The following SLC16A5 variants were observed in gnomAD, a reference collection of about 807,000 sequenced individuals.
SLC16A5 encodes solute carrier family 16 member 5.
In SLC16A5, 29 loss-of-function variants were observed where a neutral mutation model predicts 33.2. That is an observed-to-expected ratio of 0.87 (90% CI 0.65 to 1.19). The LOEUF (loss-of-function observed/expected upper bound fraction) is 1.19. SLC16A5 is among the 50% of genes most tolerant of loss of function. The pLI, the probability that SLC16A5 is intolerant of heterozygous loss-of-function variation, is 0.00. For synonymous variants in SLC16A5, 248 were observed against 284.1 expected (o/e 0.87, Z 1.28); for missense variants, 606 against 678.2 (o/e 0.89, Z 1.18).
Position 75,100,750 on chromosome 17 carries a change from C to A in SLC16A5, c.1087C>A (p.Pro363Thr), listed in dbSNP as rs1345093257. Residue 363 changes from proline (P) to threonine (T), a missense_variant, in exon 5 of 7, where the codon CCC becomes ACC. Physicochemically the swap from Pro to Thr is conservative, Grantham distance 38. Transcript: ENST00000329783. ...GGACATCGTCCCCATGGATCAGTTC[C>A]CCAGAGCCCTGGGACTCTTCACTGT... ...LMDIVPMDQFPRALGLFTVLD... is the reference protein window; with the variant it reads ...LMDIVPMDQFTRALGLFTVLD... 6.2e-7 allele frequency: 1 copy of A among 1,614,044 alleles called. No individual in the cohort carries two copies.
At chr17:75,102,914 CAG>C (rs1477450262) in intron 5 of SLC16A5, among the ~76,000 whole-genome samples, 2 of 149,670 alleles carry the variant, frequency 1.3e-5, no homozygotes, top group African/African-American at 4.9e-5. Flanking sequence ...TTTTTTGAGA[CAG>C]AGTCTCGCTC....
At chr17:75,106,642 C>T (rs2073867062), downstream of SLC16A5, among the ~76,000 whole-genome samples, 2 of 149,158 alleles carry the variant, frequency 1.3e-5, no homozygotes, top group African/African-American at 5.0e-5. Flanking sequence ...CGCCTGTAAT[C>T]CCAGCACTTT....
chr17:75,091,098 T>C (rs986402727), intron 2 of SLC16A5, among the ~76,000 whole-genome samples: 1 of 151,940 alleles, frequency 6.6e-6, no homozygotes, highest in Non-Finnish European at 1.5e-5. Context: ...CCTCGGGGCC[T>C]GGGAGTGCCA....
chr17:75,104,277 G>A (rs982022081), intron 6 of SLC16A5, 97 bp downstream of exon 6: 43 of 1,532,570 alleles, frequency 2.8e-5, no homozygotes, highest in Non-Finnish European at 3.5e-5. Flanking sequence ...CAGCCCAGGA[G>A]GGGGACCTCT....
At chr17:75,101,445 C>A (rs1414862275) in intron 5 of SLC16A5, among the ~76,000 whole-genome samples, 1 of 150,386 alleles carries the variant, frequency 6.6e-6, no homozygotes, top group East Asian at 2.0e-4. Context: ...CCTGTAAATC[C>A]CAGCTACTTG....
intron 4 of SLC16A5, among the ~76,000 whole-genome samples, chr17:75,098,851 G>A (rs56271261): frequency 0.041 from 6,270 of 152,212 alleles, 183 homozygotes; most frequent in African/African-American, 0.087. Context: ...GCCACTGGGG[G>A]AATGGGCAAG....
downstream of SLC16A5, among the ~76,000 whole-genome samples, chr17:75,106,852 G>A (rs1309410896): frequency 6.6e-6 from 1 of 152,040 alleles, no homozygotes; most frequent in African/African-American, 2.4e-5. Context: ...CTGGGATCAC[G>A]CCACTGCACT....
chr17:75,089,727 C>G (rs1292356367), intron 2 of SLC16A5: 2 of 145,156 alleles, frequency 1.4e-5, no homozygotes, highest in African/African-American at 5.2e-5. Flanking sequence ...GCACTCTAGC[C>G]TGGGAGACAG....
intron 3 of SLC16A5, among the ~76,000 whole-genome samples, chr17:75,097,366 A>C (rs1217334124): frequency 1.3e-5 from 2 of 152,046 alleles, no homozygotes; most frequent in African/African-American, 4.8e-5. Flanking sequence ...GCTGGGAGCC[A>C]GGCAAGGAAC....
upstream of SLC16A5, among the ~76,000 whole-genome samples, chr17:75,087,544 C>T (rs1226474960): frequency 6.6e-6 from 1 of 152,166 alleles, no homozygotes; most frequent in Non-Finnish European, 1.5e-5. Flanking sequence ...CACCGGCAGG[C>T]GCAGCCCTCA....
chr17:75,101,453 T>C (rs2073798198), intron 5 of SLC16A5, among the ~76,000 whole-genome samples: 1 of 147,218 alleles, frequency 6.8e-6, no homozygotes, highest in Non-Finnish European at 1.5e-5. Context: ...TCCCAGCTAC[T>C]TGGGAGGCTG....
At chr17:75,093,507 A>G (rs750481669) in intron 2 of SLC16A5, 82 bp from the exon 3 acceptor site, 21 of 1,537,190 alleles carry the variant, frequency 1.4e-5, no homozygotes, top group Middle Eastern at 3.3e-4. Flanking sequence ...GGGATGGCTT[A>G]GCTGCCCAGA....
chr17:75,096,752 G>A (rs936182328), intron 3 of SLC16A5, among the ~76,000 whole-genome samples: 3 of 150,090 alleles, frequency 2.0e-5, no homozygotes, highest in East Asian at 2.0e-4. Context: ...GGCTGGTCTC[G>A]AACTCCTGAC....
At chr17:75,089,929 G>A (rs192844856) in intron 2 of SLC16A5, 1 of 152,164 alleles carries the variant, frequency 6.6e-6, no homozygotes, top group East Asian at 1.9e-4. Context: ...ATCTGTACCT[G>A]CCTGTGAACA....
At chr17:75,095,284 A>G (rs551084146) in intron 3 of SLC16A5, among the ~76,000 whole-genome samples, 3 of 152,254 alleles carry the variant, frequency 2.0e-5, no homozygotes, top group Middle Eastern at 3.4e-3. Flanking sequence ...CTTCTCACAC[A>G]GGCAGAGCAG....
chr17:75,098,620 C>T (rs561825814), intron 4 of SLC16A5, among the ~76,000 whole-genome samples: 7 of 152,226 alleles, frequency 4.6e-5, no homozygotes, highest in Middle Eastern at 3.4e-3. Context: ...AGCCCTTTCA[C>T]GGCATTTTGT....
chr17:75,104,754 G>A (rs1598157083), intron 6 of SLC16A5: 1 of 985,326 alleles, frequency 1.0e-6, no homozygotes, highest in Non-Finnish European at 1.2e-6. Context: ...CCAGCCAGAG[G>A]AACCCTTTTC....
chr17:75,088,553 C>T (rs1342769537), intron 1 of SLC16A5, among the ~76,000 whole-genome samples: 3 of 152,180 alleles, frequency 2.0e-5, no homozygotes, highest in South Asian at 2.1e-4. Flanking sequence ...GAGGGTTCCT[C>T]AGCCCCAAGC....
chr17:75,105,541 T>C (rs555604135), intron 6 of SLC16A5: 1 of 985,404 alleles, frequency 1.0e-6, no homozygotes, highest in Non-Finnish European at 1.2e-6. Context: ...TGCCTGTGAC[T>C]GGCGGTCCAA....
Sources: allele counts gnomAD v4.1 joint callset (sites outside exome capture counted in the v4.1 genomes callset), GRCh38; gene constraint gnomAD v4.1.1; transcripts MANE v1.5; gene names NCBI Gene and HGNC (gene_info 2026-07-23, HGNC 2026-07-21).